ZFPM2: variants seen among roughly 807,000 people sequenced by gnomAD.
The protein encoded by ZFPM2 is zinc finger protein, FOG family member 2, also known as zinc finger protein ZFPM2.
ZFPM2 carries 20 observed loss-of-function variants against 98.6 expected under a neutral mutation model. The ratio of observed to expected loss-of-function variants is 0.20; its 90% CI spans 0.14 to 0.29. ZFPM2 has a LOEUF of 0.29. Among genes scored for constraint, ZFPM2 ranks in the 10% least tolerant of loss-of-function variants. The pLI, the probability that ZFPM2 is intolerant of heterozygous loss-of-function variation, is 1.00. For synonymous variants in ZFPM2, 518 were observed against 502.7 expected, an observed-to-expected ratio of 1.03 and a Z score of -0.41; for missense variants, 1,310 against 1,388.6, an observed-to-expected ratio of 0.94 and a Z score of 0.90.
chr8:105,434,934 A>G (rs773247885), intron 2 of ZFPM2, among the ~76,000 whole-genome samples: 30 of 152,218 alleles, frequency 2.0e-4, no homozygotes, highest in Non-Finnish European at 4.1e-4. Context: ...TTTCTACAGA[A>G]GTATTTAACT....
intron 4 of ZFPM2, among the ~76,000 whole-genome samples, chr8:105,585,413 T>C (rs1815690644): frequency 6.6e-6 from 1 of 152,216 alleles, no homozygotes; most frequent in Admixed American, 6.5e-5. Context: ...AACCTTGACT[T>C]ATTATTTGTC....
chr8:105,481,657 GCA>G (rs1401231222), intron 3 of ZFPM2, among the ~76,000 whole-genome samples: 1 of 152,128 alleles, frequency 6.6e-6, no homozygotes, highest in Non-Finnish European at 1.5e-5. Flanking sequence ...GTTCAGTTGA[GCA>G]ACCACCAATG....
chr8:105,755,283 A>G (rs955393636), intron 5 of ZFPM2, among the ~76,000 whole-genome samples: 1 of 152,142 alleles, frequency 6.6e-6, no homozygotes, highest in African/African-American at 2.4e-5. Flanking sequence ...TGCAAGGAGA[A>G]TAAAGCATGC....
At chr8:105,509,465 GAATTGCTCGT>G (rs1352449792) in intron 3 of ZFPM2, among the ~76,000 whole-genome samples, 2 of 152,118 alleles carry the variant, frequency 1.3e-5, no homozygotes, top group African/African-American at 4.8e-5. Flanking sequence ...GTGCCAGGGG[GAATTGCTCGT>G]AATGTTTTTT....
chr8:105,743,116 C>T (rs540121401), intron 5 of ZFPM2, among the ~76,000 whole-genome samples: 6 of 152,090 alleles, frequency 3.9e-5, no homozygotes, highest in South Asian at 2.1e-4. Flanking sequence ...GTAAGGAAAA[C>T]GATTCCCCTT....
At chr8:105,327,790 C>A (rs774441241) in intron 1 of ZFPM2, among the ~76,000 whole-genome samples, 9 of 151,690 alleles carry the variant, frequency 5.9e-5, no homozygotes, top group Non-Finnish European at 1.3e-4. Context: ...TTAATTGTAG[C>A]ATATTTGGTA....
intron 5 of ZFPM2, among the ~76,000 whole-genome samples, chr8:105,656,156 AAC>A (rs34846375): frequency 2.0e-5 from 3 of 151,496 alleles, no homozygotes; most frequent in Non-Finnish European, 4.4e-5. Flanking sequence ...GACAGACAGA[AAC>A]ACACACACAC....
chr8:105,727,925 TGTAAA>T (rs1206530324), intron 5 of ZFPM2, among the ~76,000 whole-genome samples: 1 of 148,630 alleles, frequency 6.7e-6, no homozygotes, highest in East Asian at 2.0e-4. Context: ...AACATCAAGA[TGTAAA>T]GTAAAGTAAG....
rs1813415942 is a variant in ZFPM2 at position 105,494,223 on chromosome 8, AT to A, written c.301+49843del. ...TATATATATATATATATATATATAT[AT>A]ATAATCTCAAACTCAACATATCTGA... On this transcript the variant is annotated intron_variant, in intron 3 of 7. Transcript: ENST00000407775. 8.0e-5 allele frequency among the ~76,000 whole-genome samples: 10 copies of A among 124,228 alleles called. 1 individual carries two copies. The South Asian group carries it at 2.0e-3, about 25-fold the overall frequency. 81.5% of individuals were successfully genotyped at this position (124,228 alleles called of 152,430 possible). A position where few individuals can be genotyped will look rare whatever the true frequency, so the allele number is the denominator to read the frequency against.
intron 4 of ZFPM2, among the ~76,000 whole-genome samples, chr8:105,583,678 A>G (rs906167075): frequency 3.3e-5 from 5 of 152,206 alleles, no homozygotes; most frequent in Admixed American, 3.3e-4. Context: ...CAATGGCAGT[A>G]AAACCATGGA....
At chr8:105,537,878 T>C (rs1814489910) in intron 3 of ZFPM2, among the ~76,000 whole-genome samples, 1 of 151,934 alleles carries the variant, frequency 6.6e-6, no homozygotes, top group Non-Finnish European at 1.5e-5. Context: ...CTTACAGGTG[T>C]GTGCCACCAC....
At chr8:105,530,555 A>G (rs1157909832) in intron 3 of ZFPM2, among the ~76,000 whole-genome samples, 1 of 152,160 alleles carries the variant, frequency 6.6e-6, no homozygotes, top group Non-Finnish European at 1.5e-5. Flanking sequence ...GTGTCCACAC[A>G]TGGCCTTTCC....
At chr8:105,675,283 C>G (rs1810418098) in intron 5 of ZFPM2, among the ~76,000 whole-genome samples, 1 of 152,138 alleles carries the variant, frequency 6.6e-6, no homozygotes, top group South Asian at 2.1e-4. Flanking sequence ...AATTTGGAAA[C>G]TTGTGCACCC....
At chr8:105,534,890 G>A (rs1814416227) in intron 3 of ZFPM2, among the ~76,000 whole-genome samples, 2 of 152,122 alleles carry the variant, frequency 1.3e-5, no homozygotes, top group Non-Finnish European at 2.9e-5. Flanking sequence ...ATTGGGGGGA[G>A]TCAGGGGTAT....
chr8:105,536,498 C>A (rs1210623142), intron 3 of ZFPM2, among the ~76,000 whole-genome samples: 2 of 151,526 alleles, frequency 1.3e-5, no homozygotes. Context: ...TTTCATAATG[C>A]TCAAAAAGAA....
intron 3 of ZFPM2, among the ~76,000 whole-genome samples, chr8:105,485,760 G>A (rs1813219242): frequency 6.6e-6 from 1 of 152,158 alleles, no homozygotes; most frequent in African/African-American, 2.4e-5. Context: ...GTGGACTACT[G>A]GGGGAAAGGG....
At position 105,802,987 on chromosome 8, in the gene ZFPM2, C is replaced by T. The variant is rs774887889; in HGVS notation, c.2905C>T (p.Pro969Ser). The stretch of plus-strand genomic sequence containing the variant: ...TTTGTTTCTTCCACAATGCCTTTAC[C>T]CTGGAGCAATAAAGAAAGCAAAAGG... ...RHLFLPQCLYPGAIKKAKGAD... is the reference protein window; with the variant it reads ...RHLFLPQCLYSGAIKKAKGAD... The change falls in exon 8 of 8, where the codon CCT becomes TCT. Residue 969 changes from proline (P) to serine (S), a missense_variant. Pro to Ser is a moderately conservative substitution (Grantham distance 74, BLOSUM62 -1). Coordinates refer to ENST00000407775, the MANE Select transcript of ZFPM2 (RefSeq NM_012082.4). 7 of 1,612,716 alleles carry T rather than the reference C, an allele frequency of 4.3e-6. No individual in the cohort carries two copies. Among genetic ancestry groups the T allele is most frequent in the African/African-American group, 2.7e-5 (2 of 74,866 alleles).
At chr8:105,578,548 A>G (rs1815518536) in intron 4 of ZFPM2, among the ~76,000 whole-genome samples, 1 of 152,144 alleles carries the variant, frequency 6.6e-6, no homozygotes, top group Non-Finnish European at 1.5e-5. Context: ...GATGTGATTC[A>G]TCTGAAAATC....
intron 1 of ZFPM2, among the ~76,000 whole-genome samples, chr8:105,364,102 T>C (rs553567651): frequency 2.0e-5 from 3 of 152,078 alleles, no homozygotes; most frequent in Non-Finnish European, 4.4e-5. Context: ...ATTCTGACAC[T>C]AAATGGATAT....
Sources: allele counts gnomAD v4.1 joint callset (sites outside exome capture counted in the v4.1 genomes callset), GRCh38; gene constraint gnomAD v4.1.1; transcripts MANE v1.5; gene names NCBI Gene and HGNC (gene_info 2026-07-23, HGNC 2026-07-21).